The following SORCS1 variants were observed in gnomAD, a reference collection of about 807,000 sequenced individuals.
The protein encoded by SORCS1 is VPS10 domain-containing receptor SorCS1.
In SORCS1, 60 loss-of-function variants were observed where a neutral mutation model predicts 146.1. That is an observed-to-expected ratio of 0.41 (90% CI 0.33 to 0.51). The LOEUF (loss-of-function observed/expected upper bound fraction) is 0.51, where lower values mean the gene tolerates loss of function less well. Ranked by LOEUF, SORCS1 falls within the 20% of genes least tolerant of loss-of-function variation. The pLI is 0.21. For missense variants in SORCS1, 1,352 were observed against 1,487.6 expected, an observed-to-expected ratio of 0.91 and a Z score of 1.50; for synonymous variants, 637 against 584.0, an observed-to-expected ratio of 1.09 and a Z score of -1.31.
chr10:106,947,771 G>GAGAGAGGCAGAGGTTGC, intron 2 of SORCS1, among the ~76,000 whole-genome samples: 1 of 151,962 alleles, frequency 6.6e-6, no homozygotes, highest in South Asian at 2.1e-4. Flanking sequence ...GCTTGAACCA[G>GAGAGAGGCAGAGGTTGC]AGAGAGGCAG....
chr10:106,913,374 A>G (rs1442614994), intron 2 of SORCS1, among the ~76,000 whole-genome samples: 1 of 152,210 alleles, frequency 6.6e-6, no homozygotes, highest in Non-Finnish European at 1.5e-5. Flanking sequence ...TGGAACTGCA[A>G]TACACCAATT....
At chr10:107,148,064 G>A (rs1968482095) in intron 1 of SORCS1, among the ~76,000 whole-genome samples, 1 of 152,186 alleles carries the variant, frequency 6.6e-6, no homozygotes, top group African/African-American at 2.4e-5. Flanking sequence ...TAGGCAGCTT[G>A]AGCAAAGGGG....
intron 3 of SORCS1, among the ~76,000 whole-genome samples, chr10:106,821,099 G>A (rs1201292182): frequency 6.6e-6 from 1 of 152,182 alleles, no homozygotes; most frequent in Non-Finnish European, 1.5e-5. Context: ...CTTGAAGAAT[G>A]GTCAGCTTCC....
chr10:106,645,618 G>C (rs1328133452), intron 18 of SORCS1, among the ~76,000 whole-genome samples: 1 of 152,034 alleles, frequency 6.6e-6, no homozygotes, highest in Non-Finnish European at 1.5e-5. Context: ...TGGTTATTCT[G>C]AGTCATTTGT....
At chr10:107,179,189 T>C in the SORCS1 span, among the ~76,000 whole-genome samples, 1 of 152,222 alleles carries the variant, frequency 6.6e-6, no homozygotes, top group Admixed American at 6.5e-5. Flanking sequence ...CATTGCAGCT[T>C]TGACTTGCAT....
At chr10:107,166,666 A>G (rs116345920), upstream of SORCS1, among the ~76,000 whole-genome samples, 283 of 152,306 alleles carry the variant, frequency 1.9e-3, 2 homozygotes, top group African/African-American at 6.5e-3. Context: ...TTTCCTCAGA[A>G]AGGTTTTTAG....
chr10:107,060,760 A>T lies in SORCS1; in HGVS notation c.558+103209T>A, dbSNP rs1010867818. Among the ~76,000 whole-genome samples the T allele has an allele frequency of 2.0e-5, 3 of 151,998 alleles. No individual in the cohort carries two copies. Among genetic ancestry groups the T allele is most frequent in the African/African-American group, 7.3e-5 (3 of 41,366 alleles). On this transcript the variant is annotated intron_variant, in intron 1 of 25. Transcript: ENST00000263054. This position sits in a 1 kb window ranked among gnomAD's most constrained non-coding sequence, Gnocchi z 4.1. ...TACATGAAAAAATGTACTAAATGTG[A>T]CTCATTTAGCACTTCCTTTATTATC...
chr10:106,622,696 T>A (rs895061763), intron 19 of SORCS1, among the ~76,000 whole-genome samples: 5 of 152,226 alleles, frequency 3.3e-5, no homozygotes, highest in Non-Finnish European at 2.9e-5. Context: ...CAACTAAATG[T>A]TCTGCTAACG....
intron 2 of SORCS1, among the ~76,000 whole-genome samples, chr10:106,878,963 C>T (rs1437962913): frequency 1.3e-5 from 2 of 151,186 alleles, no homozygotes; most frequent in Non-Finnish European, 2.9e-5. Context: ...CTGGCTAACA[C>T]GGTGAAACAC....
intron 1 of SORCS1, among the ~76,000 whole-genome samples, chr10:106,974,408 T>G (rs1355268136): frequency 6.6e-6 from 1 of 152,158 alleles, no homozygotes; most frequent in East Asian, 1.9e-4. Flanking sequence ...TACAGAAGGC[T>G]TTGTGAGACC....
intron 1 of SORCS1, among the ~76,000 whole-genome samples, chr10:107,150,608 A>T (rs1481205446): frequency 2.0e-5 from 3 of 152,172 alleles, no homozygotes; most frequent in Non-Finnish European, 4.4e-5. Flanking sequence ...TCACTCACTG[A>T]TATGGTTTGG....
chr10:106,698,971 T>C (rs1853919149), intron 9 of SORCS1, among the ~76,000 whole-genome samples: 1 of 152,144 alleles, frequency 6.6e-6, no homozygotes, highest in South Asian at 2.1e-4. Context: ...ATTCCGCAAG[T>C]CCACAAAGCC....
chr10:106,636,634 G>T (rs1410246769), intron 18 of SORCS1, among the ~76,000 whole-genome samples: 2 of 152,088 alleles, frequency 1.3e-5, no homozygotes, highest in African/African-American at 4.8e-5. Context: ...ACAGCATGGG[G>T]GAAACCACCC....
chr10:107,148,038 A>G (rs1302280013), intron 1 of SORCS1, among the ~76,000 whole-genome samples: 1 of 152,240 alleles, frequency 6.6e-6, no homozygotes, highest in African/African-American at 2.4e-5. Flanking sequence ...GTTTTTAAAC[A>G]GAGGCAGTAA....
rs533437818 is a variant in SORCS1 at position 106,628,748 on chromosome 10, G to A, written c.2662+454C>T. On this transcript the variant is annotated intron_variant, in intron 19 of 25. Transcript: ENST00000263054. ...CAAAACCCTAAAAGGATTATTAATA[G>A]CAACATATTATGAGAAGACAGAAAT... Among the ~76,000 whole-genome samples the A allele has an allele frequency of 3.3e-5, 5 of 152,298 alleles. No homozygotes were observed. The East Asian group carries it at 9.6e-4, about 29-fold the overall frequency.
chr10:106,833,078 A>G (rs1443314810), intron 2 of SORCS1, among the ~76,000 whole-genome samples: 1 of 136,816 alleles, frequency 7.3e-6, no homozygotes, highest in Admixed American at 7.3e-5. Context: ...CAATAGAGTG[A>G]CTTAGTCAGA....
intron 1 of SORCS1, among the ~76,000 whole-genome samples, chr10:107,080,876 C>T (rs563808829): frequency 7.2e-4 from 109 of 152,292 alleles, no homozygotes; most frequent in African/African-American, 2.5e-3. Context: ...TGTCAGTCCT[C>T]ACCAGGACCC....
intron 2 of SORCS1, among the ~76,000 whole-genome samples, chr10:106,835,167 C>G (rs1948728425): frequency 6.6e-6 from 1 of 152,154 alleles, no homozygotes; most frequent in South Asian, 2.1e-4. Flanking sequence ...GCAAAATCTC[C>G]TATCACGCTT....
chr10:106,622,332 A>T (rs1202548232), intron 19 of SORCS1, among the ~76,000 whole-genome samples: 1 of 149,216 alleles, frequency 6.7e-6, no homozygotes, highest in Non-Finnish European at 1.5e-5. Flanking sequence ...TGATCCAATT[A>T]TGATAATAAT....
Sources: allele counts gnomAD v4.1 joint callset (sites outside exome capture counted in the v4.1 genomes callset), GRCh38; gene constraint gnomAD v4.1.1; non-coding constraint Gnocchi (gnomAD v3.1); transcripts MANE v1.5; gene names NCBI Gene and HGNC (gene_info 2026-07-23, HGNC 2026-07-21).